Variants in RYK observed in about 807,000 individuals in gnomAD.
RYK encodes inactive tyrosine-protein kinase RYK.
A neutral mutation model predicts 70.2 loss-of-function variants in RYK; 21 were observed. The observed-to-expected ratio is 0.30, with a 90% confidence interval of 0.21 to 0.43. RYK has a LOEUF of 0.43. Ranked by LOEUF, RYK falls within the 20% of genes least tolerant of loss-of-function variation. RYK has a pLI of 1.00. For synonymous variants in RYK, 267 were observed against 278.0 expected (o/e 0.96, Z 0.39); for missense variants, 604 against 753.3 (o/e 0.80, Z 2.32).
At chr3:134,247,238 G>C (rs983290516) in intron 1 of RYK, among the ~76,000 whole-genome samples, 1 of 152,010 alleles carries the variant, frequency 6.6e-6, no homozygotes, top group African/African-American at 2.4e-5. Context: ...AAATGAGAAA[G>C]AGCTCAGTTA....
intron 6 of RYK, among the ~76,000 whole-genome samples, chr3:134,201,180 T>C (rs573515264): frequency 3.3e-5 from 5 of 152,354 alleles, no homozygotes; most frequent in Non-Finnish European, 7.3e-5. Context: ...AATCTAAACC[T>C]AACTTCACCA....
intron 1 of RYK, among the ~76,000 whole-genome samples, chr3:134,234,778 A>G (rs1267436767): frequency 1.3e-5 from 2 of 152,144 alleles, no homozygotes; most frequent in Non-Finnish European, 2.9e-5. Context: ...TACTGAGAAG[A>G]GCTATGCTTC....
At chr3:134,164,460 T>C (rs2012588481) in intron 13 of RYK, among the ~76,000 whole-genome samples, 2 of 152,190 alleles carry the variant, frequency 1.3e-5, no homozygotes, top group Non-Finnish European at 2.9e-5. Context: ...TAATTTGCTT[T>C]CTGTCACTAG....
chr3:134,165,016 T>G (rs913354328), intron 13 of RYK, among the ~76,000 whole-genome samples: 3 of 152,236 alleles, frequency 2.0e-5, no homozygotes, highest in African/African-American at 7.2e-5. Context: ...GGAGAGAATA[T>G]CTTGAGTTTT....
At chr3:134,168,156 CT>C (rs896497028) in intron 13 of RYK, among the ~76,000 whole-genome samples, 24 of 152,210 alleles carry the variant, frequency 1.6e-4, no homozygotes, top group African/African-American at 5.5e-4. Flanking sequence ...AATAGAAACA[CT>C]TTTACACTGT....
In RYK at chr3:134,158,247, C is replaced by T. The variant is rs1458679545; in HGVS notation, c.1730G>A (p.Cys577Tyr). 1.3e-6 allele frequency: 2 copies of T among 1,563,710 alleles called. No individual in the cohort carries two copies. Among genetic ancestry groups the T allele is most frequent in the South Asian group, 1.2e-5 (1 of 83,208 alleles). ...CTCCTCTGGATCTAAGGCCCAGCAA[C>T]AGGCCATCACAGCAAATCTGCAGAG... is the stretch of plus-strand genomic sequence containing the variant. ...CPDELFAVMA[C>Y]CWALDPEERP... Residue 577 changes from cysteine to tyrosine, a missense_variant, in exon 15 of 15, where the codon TGT becomes TAT. Coordinates refer to ENST00000623711, the MANE Select transcript of RYK (RefSeq NM_002958.4).
At chr3:134,168,442 T>TA (rs1490128103) in intron 13 of RYK, among the ~76,000 whole-genome samples, 6 of 152,020 alleles carry the variant, frequency 3.9e-5, no homozygotes, top group Non-Finnish European at 7.4e-5. Flanking sequence ...TATGCAGCCA[T>TA]AAAAAAGGAT....
chr3:134,224,537 C>T (rs939082648), intron 1 of RYK, among the ~76,000 whole-genome samples: 3 of 152,174 alleles, frequency 2.0e-5, no homozygotes, highest in Admixed American at 6.5e-5. Context: ...TGGCTGCGGG[C>T]GGGCCTGACT....
chr3:134,173,154 G>A (rs968598972), intron 13 of RYK, among the ~76,000 whole-genome samples: 17 of 151,974 alleles, frequency 1.1e-4, no homozygotes, highest in African/African-American at 3.1e-4. Flanking sequence ...GGTGGTGCGC[G>A]CCTATAGTCC....
At chr3:134,221,078 A>G (rs756795352) in intron 2 of RYK, among the ~76,000 whole-genome samples, 12 of 152,074 alleles carry the variant, frequency 7.9e-5, no homozygotes, top group South Asian at 4.1e-4. Context: ...TTCAACATAC[A>G]TGTCTAAAAA....
intron 1 of RYK, among the ~76,000 whole-genome samples, chr3:134,225,319 T>A (rs1047557775): frequency 2.6e-5 from 4 of 151,932 alleles, no homozygotes; most frequent in African/African-American, 9.7e-5. Context: ...AAGAAGAAAA[T>A]TACATGAGGC....
intron 1 of RYK, among the ~76,000 whole-genome samples, chr3:134,233,715 T>G (rs1269229267): frequency 2.0e-5 from 3 of 152,182 alleles, no homozygotes; most frequent in African/African-American, 7.2e-5. Flanking sequence ...CTCTAACATA[T>G]TAGGCTTCTT....
intron 13 of RYK, among the ~76,000 whole-genome samples, chr3:134,166,479 T>G (rs1239065479): frequency 2.0e-5 from 3 of 152,244 alleles, no homozygotes; most frequent in African/African-American, 7.2e-5. Flanking sequence ...ATCAGCAATC[T>G]TTAAGCAGAG....
At chr3:134,217,995 C>T (rs577121533) in intron 2 of RYK, among the ~76,000 whole-genome samples, 1 of 152,170 alleles carries the variant, frequency 6.6e-6, no homozygotes, top group African/African-American at 2.4e-5. Context: ...TAGTTTTTTA[C>T]TAAAAAAACA....
At chr3:134,175,204 A>C (rs1339640533) in intron 13 of RYK, among the ~76,000 whole-genome samples, 1 of 152,184 alleles carries the variant, frequency 6.6e-6, no homozygotes, top group Non-Finnish European at 1.5e-5. Flanking sequence ...GCATGTGCCC[A>C]TGGTGGCACA....
At chr3:134,246,762 G>T (rs963911149) in intron 1 of RYK, among the ~76,000 whole-genome samples, 18 of 152,250 alleles carry the variant, frequency 1.2e-4, no homozygotes, top group African/African-American at 3.9e-4. Flanking sequence ...TTCCTAAGAA[G>T]CTACTGAGGA....
intron 8 of RYK, among the ~76,000 whole-genome samples, chr3:134,189,916 A>G (rs1246797180): frequency 2.0e-5 from 3 of 152,114 alleles, no homozygotes; most frequent in Non-Finnish European, 2.9e-5. Flanking sequence ...AATGAATCTC[A>G]TTTTACTCTT....
chr3:134,159,989 C>T (rs750334339), intron 13 of RYK, among the ~76,000 whole-genome samples: 6 of 152,130 alleles, frequency 3.9e-5, no homozygotes, highest in Non-Finnish European at 7.4e-5. Context: ...CCTGGCTGTA[C>T]TTGGCTCCTG....
intron 5 of RYK, among the ~76,000 whole-genome samples, chr3:134,204,591 C>CCACAGCCACAGCCA (rs58130864): frequency 2.1e-5 from 3 of 140,694 alleles, no homozygotes; most frequent in South Asian, 2.4e-4. Context: ...ACAGCCACAG[C>CCACAGCCACAGCCA]CACACACACA....
Sources: gnomAD v4.1 joint callset for allele counts (sites outside exome capture counted in the v4.1 genomes callset) on GRCh38, gnomAD v4.1.1 for gene constraint, MANE v1.5 for transcripts, NCBI Gene and HGNC (gene_info 2026-07-23, HGNC 2026-07-21) for gene names.